OCA2: variants seen among roughly 807,000 people sequenced by gnomAD.
OCA2 encodes the protein P protein.
OCA2 carries 77 observed loss-of-function variants against 100.2 expected under a neutral mutation model. The ratio of observed to expected loss-of-function variants is 0.77; its 90% CI spans 0.64 to 0.93. The LOEUF is 0.93. Ranked by LOEUF, OCA2 falls within the 40% of genes least tolerant of loss-of-function variation. The pLI, the probability that OCA2 is intolerant of heterozygous loss-of-function variation, is 0.00. For synonymous variants in OCA2, 432 were observed against 439.2 expected (o/e 0.98, Z 0.21); for missense variants, 1,062 against 1,089.1 (o/e 0.98, Z 0.35).
intron 14 of OCA2, among the ~76,000 whole-genome samples, chr15:27,972,726 G>T (rs1045055836): frequency 6.6e-6 from 1 of 150,962 alleles, no homozygotes; most frequent in Non-Finnish European, 1.5e-5. Context: ...TAATTTGTTT[G>T]AGTTTCTTAT....
chr15:27,830,832 C>T (rs1309673033), intron 23 of OCA2, among the ~76,000 whole-genome samples: 1 of 152,132 alleles, frequency 6.6e-6, no homozygotes, highest in East Asian at 1.9e-4. Flanking sequence ...AACAATCTCC[C>T]AGTTAAGAAG....
At chr15:27,935,043 C>T (rs1375589081) in intron 18 of OCA2, among the ~76,000 whole-genome samples, 2 of 152,102 alleles carry the variant, frequency 1.3e-5, no homozygotes, top group African/African-American at 2.4e-5. Context: ...TGCTCAGCAC[C>T]GGCTCCTCAG....
At chr15:28,045,210 G>T (rs559727599) in intron 2 of OCA2, among the ~76,000 whole-genome samples, 1 of 152,006 alleles carries the variant, frequency 6.6e-6, no homozygotes, top group Non-Finnish European at 1.5e-5. Flanking sequence ...TCTAGGTATT[G>T]CTTTAGGGTT....
chr15:27,720,602 A>T, the OCA2 span, among the ~76,000 whole-genome samples: 4 of 151,814 alleles, frequency 2.6e-5, no homozygotes, highest in Admixed American at 2.0e-4. Flanking sequence ...TGAGCAAAAA[A>T]TGAATGCATA....
At chr15:28,057,030 T>C (rs1483157569) in intron 2 of OCA2, among the ~76,000 whole-genome samples, 2 of 152,212 alleles carry the variant, frequency 1.3e-5, no homozygotes, top group African/African-American at 4.8e-5. Flanking sequence ...GGAGGGCCCA[T>C]AGGAAAGCAT....
chr15:27,965,073 G>C (rs2140803012), intron 15 of OCA2, among the ~76,000 whole-genome samples: 1 of 152,280 alleles, frequency 6.6e-6, no homozygotes, highest in Admixed American at 6.5e-5. Flanking sequence ...CTGAAAATCT[G>C]CATATACAAC....
In OCA2 at chr15:28,034,075, T is replaced by A. The variant is rs185479169; in HGVS notation, c.228-1912A>T. ...AAGGTGGGAGGATTGATTGAGGCCA[T>A]GAGTGCAAGACAAGCCTGGGCAACA... On this transcript the variant is annotated intron_variant, in intron 2 of 23. Coordinates refer to ENST00000354638, the MANE Select transcript of OCA2 (RefSeq NM_000275.3). 1.3e-4 allele frequency among the ~76,000 whole-genome samples: 20 copies of A among 152,222 alleles called. No individual in the cohort carries two copies. In the East Asian group the frequency reaches 3.9e-3, roughly 29 times the overall value.
chr15:27,784,914 AG>A, intron 23 of OCA2, among the ~76,000 whole-genome samples: 1 of 151,614 alleles, frequency 6.6e-6, no homozygotes, highest in Non-Finnish European at 1.5e-5. Context: ...AGAGAGAGAG[AG>A]AAATGGGCAG....
intron 23 of OCA2, among the ~76,000 whole-genome samples, chr15:27,816,722 C>T (rs894199462): frequency 9.9e-5 from 15 of 152,152 alleles, no homozygotes; most frequent in Admixed American, 2.6e-4. Flanking sequence ...TTTCCCTTGC[C>T]CACATCCTTA....
chr15:27,839,962 T>A (rs910354398), intron 23 of OCA2, among the ~76,000 whole-genome samples: 2 of 152,118 alleles, frequency 1.3e-5, no homozygotes, highest in African/African-American at 4.8e-5. Flanking sequence ...TGAGAAGAAC[T>A]GTTATTAAAC....
the OCA2 span, among the ~76,000 whole-genome samples, chr15:27,729,024 A>G: frequency 5.9e-5 from 9 of 152,164 alleles, no homozygotes; most frequent in Non-Finnish European, 1.0e-4. Context: ...TGCACTTTCA[A>G]CGCTTGGCTT....
intron 17 of OCA2, among the ~76,000 whole-genome samples, chr15:27,953,674 A>G (rs994105625): frequency 6.6e-6 from 1 of 152,084 alleles, no homozygotes; most frequent in Non-Finnish European, 1.5e-5. Context: ...AGCTCATGGA[A>G]GTGGAGGTTT....
At chr15:27,997,142 G>GGA (rs1487989503) in intron 9 of OCA2, among the ~76,000 whole-genome samples, 3 of 128,646 alleles carry the variant, frequency 2.3e-5, no homozygotes, top group Admixed American at 8.4e-5. Flanking sequence ...AAGGAAGGAA[G>GGA]AGAGAGAGAA....
chr15:27,816,602 T>C (rs527484502), intron 23 of OCA2, among the ~76,000 whole-genome samples: 2 of 152,168 alleles, frequency 1.3e-5, no homozygotes, highest in South Asian at 4.2e-4. Context: ...AGGTGCCCCA[T>C]GGCTCTACTG....
At chr15:28,065,337 T>C (rs2043992308) in intron 2 of OCA2, among the ~76,000 whole-genome samples, 1 of 152,202 alleles carries the variant, frequency 6.6e-6, no homozygotes, top group South Asian at 2.1e-4. Flanking sequence ...CTACAGCTTT[T>C]GCACCTAGGT....
chr15:27,837,893 A>G (rs1354130267), intron 23 of OCA2, among the ~76,000 whole-genome samples: 5 of 151,870 alleles, frequency 3.3e-5, no homozygotes, highest in Non-Finnish European at 5.9e-5. Flanking sequence ...GAAAAAAAAA[A>G]AAAAAAGAAA....
intron 18 of OCA2, among the ~76,000 whole-genome samples, chr15:27,946,615 C>T (rs928082053): frequency 3.3e-5 from 5 of 152,154 alleles, no homozygotes; most frequent in Non-Finnish European, 5.9e-5. Flanking sequence ...GCCCAATTTG[C>T]GAATCGTTCA....
At chr15:27,800,984 G>T (rs1431285239) in intron 23 of OCA2, among the ~76,000 whole-genome samples, 2 of 151,854 alleles carry the variant, frequency 1.3e-5, no homozygotes, top group African/African-American at 4.8e-5. Context: ...AATTTTTTTT[G>T]AAATCATAAT....
chr15:27,742,283 T>A, the OCA2 span, among the ~76,000 whole-genome samples: 1 of 152,136 alleles, frequency 6.6e-6, no homozygotes, highest in East Asian at 1.9e-4. Flanking sequence ...AAGTTAAACA[T>A]CATTCCCCAG....
Sources: gnomAD v4.1 joint callset for allele counts (sites outside exome capture counted in the v4.1 genomes callset) on GRCh38, gnomAD v4.1.1 for gene constraint, MANE v1.5 for transcripts, NCBI Gene and HGNC (gene_info 2026-07-23, HGNC 2026-07-21) for gene names.